DAB1: variants seen among roughly 807,000 people sequenced by gnomAD.
DAB1 encodes disabled homolog 1.
Under a neutral mutation model 64.6 loss-of-function variants are expected in DAB1, and 15 were observed. The observed-to-expected ratio is 0.23, with a 90% CI of 0.16 to 0.36. DAB1 has a LOEUF of 0.36. Among genes scored for constraint, DAB1 ranks in the 10% least tolerant of loss-of-function variants. The probability of loss-of-function intolerance (pLI) is 1.00; values close to 1 mark genes in which losing one functional copy is unlikely to be tolerated. For synonymous variants in DAB1, 235 were observed against 251.9 expected (o/e 0.93, Z 0.64); for missense variants, 596 against 706.7 (o/e 0.84, Z 1.78).
intron 6 of DAB1, among the ~76,000 whole-genome samples, chr1:57,801,666 AT>A (rs937197259): frequency 3.3e-5 from 5 of 149,538 alleles, no homozygotes; most frequent in African/African-American, 4.9e-5. Flanking sequence ...ATTTTTTTTT[AT>A]TTTTTTTTGA....
chr1:58,146,133 G>T (rs555248730), intron 5 of DAB1, among the ~76,000 whole-genome samples: 1 of 152,158 alleles, frequency 6.6e-6, no homozygotes, highest in Admixed American at 6.5e-5. Flanking sequence ...TGTGTTAATT[G>T]ACTGTTTAGG....
intron 7 of DAB1, among the ~76,000 whole-genome samples, chr1:57,528,346 A>G (rs904769522): frequency 6.6e-6 from 1 of 152,128 alleles, no homozygotes; most frequent in Non-Finnish European, 1.5e-5. Context: ...TAAAATTTGG[A>G]AAAAATAGTA....
chr1:58,315,564 T>C (rs1051356660), intron 4 of DAB1, among the ~76,000 whole-genome samples: 1 of 152,210 alleles, frequency 6.6e-6, no homozygotes, highest in Non-Finnish European at 1.5e-5. Flanking sequence ...CATAGTTTGA[T>C]ATCTGTAGTG....
chr1:57,893,959 C>T (rs529609440), intron 5 of DAB1, among the ~76,000 whole-genome samples: 24 of 152,232 alleles, frequency 1.6e-4, no homozygotes, highest in Non-Finnish European at 2.8e-4. Flanking sequence ...TAGGGACATC[C>T]GGCTGGGGAG....
intron 1 of DAB1, among the ~76,000 whole-genome samples, chr1:57,867,696 A>G (rs1306485234): frequency 5.3e-5 from 8 of 152,164 alleles, no homozygotes; most frequent in African/African-American, 1.7e-4. Flanking sequence ...AGATAAAGAC[A>G]CGGAGGTTCA....
intron 5 of DAB1, among the ~76,000 whole-genome samples, chr1:58,073,758 T>C (rs1649421514): frequency 6.6e-6 from 1 of 152,192 alleles, no homozygotes; most frequent in South Asian, 2.1e-4. Context: ...CTGTGATTTG[T>C]TAAGCCTTCA....
intron 5 of DAB1, among the ~76,000 whole-genome samples, chr1:57,980,652 G>T (rs1646042885): frequency 6.6e-6 from 1 of 152,122 alleles, no homozygotes; most frequent in Admixed American, 6.6e-5. Context: ...GTCTTGTAGA[G>T]TCATCTGCTT....
At chr1:57,932,335 C>T (rs532360827) in intron 5 of DAB1, among the ~76,000 whole-genome samples, 8 of 152,166 alleles carry the variant, frequency 5.3e-5, no homozygotes, top group African/African-American at 7.2e-5. Context: ...AGTCTATATG[C>T]GTCAATTATA....
intron 6 of DAB1, among the ~76,000 whole-genome samples, chr1:57,676,040 T>C (rs1324367918): frequency 6.6e-6 from 1 of 152,168 alleles, no homozygotes; most frequent in Non-Finnish European, 1.5e-5. Flanking sequence ...GAGCCAGAGT[T>C]ACAACTGAGG....
intron 3 of DAB1, among the ~76,000 whole-genome samples, chr1:58,390,600 T>A (rs1644468064): frequency 6.6e-6 from 1 of 152,218 alleles, no homozygotes; most frequent in South Asian, 2.1e-4. Context: ...CACTGCTCCT[T>A]GGTGTCCTCT....
At chr1:58,181,847 T>A (rs1656812070) in intron 4 of DAB1, among the ~76,000 whole-genome samples, 1 of 152,006 alleles carries the variant, frequency 6.6e-6, no homozygotes, top group Non-Finnish European at 1.5e-5. Context: ...AAGAAACATA[T>A]ATTTATTGTC....
At chr1:57,975,643 T>C (rs1291260423) in intron 5 of DAB1, among the ~76,000 whole-genome samples, 1 of 152,194 alleles carries the variant, frequency 6.6e-6, no homozygotes, top group African/African-American at 2.4e-5. Context: ...TTATCATGTC[T>C]CAGGTACTAT....
intron 6 of DAB1, among the ~76,000 whole-genome samples, chr1:57,710,549 C>G (rs1291214411): frequency 6.6e-6 from 1 of 152,094 alleles, no homozygotes; most frequent in Non-Finnish European, 1.5e-5. Flanking sequence ...TCGGTTTTCC[C>G]AAAGTTGACT....
intron 5 of DAB1, among the ~76,000 whole-genome samples, chr1:58,117,556 C>T (rs1652412810): frequency 6.6e-6 from 1 of 152,200 alleles, no homozygotes; most frequent in Non-Finnish European, 1.5e-5. Flanking sequence ...TGATCTGACG[C>T]TTCATTGCGT....
At chr1:58,536,583 GT>G in intron 1 of DAB1, 1 of 872,802 alleles carries the variant, frequency 1.1e-6, no homozygotes, top group South Asian at 1.3e-5. Flanking sequence ...GCTCCTTCCT[GT>G]GATTGGACTT....
intron 6 of DAB1, among the ~76,000 whole-genome samples, chr1:57,695,253 GA>G (rs1646810703): frequency 3.4e-5 from 1 of 29,762 alleles, no homozygotes; most frequent in South Asian, 2.2e-3. Flanking sequence ...AAGAAAGAAA[GA>G]AAGAAGGAAG....
chr1:58,415,150 CCTCTCT>C (rs138058829), intron 3 of DAB1, among the ~76,000 whole-genome samples: 1 of 150,248 alleles, frequency 6.7e-6, no homozygotes, highest in Non-Finnish European at 1.5e-5. Context: ...GATCTGTCCC[CCTCTCT>C]CTCTCTCTGA....
chr1:58,328,926 C>T (rs1054402551), intron 4 of DAB1, among the ~76,000 whole-genome samples: 2 of 152,130 alleles, frequency 1.3e-5, no homozygotes, highest in South Asian at 2.1e-4. Context: ...ACTTAAATGT[C>T]GCTTCCTCTG....
chr1:57,685,885 A>C (rs1239544426), intron 6 of DAB1, among the ~76,000 whole-genome samples: 2 of 152,210 alleles, frequency 1.3e-5, no homozygotes, highest in Non-Finnish European at 1.5e-5. Flanking sequence ...ACAACTTACC[A>C]AAATCTCTGA....
Sources: gnomAD v4.1 joint callset for allele counts (sites outside exome capture counted in the v4.1 genomes callset) on GRCh38, gnomAD v4.1.1 for gene constraint, MANE v1.5 for transcripts, NCBI Gene and HGNC (gene_info 2026-07-23, HGNC 2026-07-21) for gene names.